Variants in RFX3 observed in about 807,000 individuals in gnomAD.
RFX3 encodes regulatory factor X3, also known as transcription factor RFX3.
Under a neutral mutation model 98.6 loss-of-function variants are expected in RFX3, and 14 were observed. That is an observed-to-expected ratio of 0.14 (90% CI 0.09 to 0.22). The LOEUF (loss-of-function observed/expected upper bound fraction) is 0.22. Among genes scored for constraint, RFX3 ranks in the 10% least tolerant of loss-of-function variants. RFX3 has a pLI of 1.00. For missense variants in RFX3, 639 were observed against 926.9 expected, an observed-to-expected ratio of 0.69 and a Z score of 4.03; for synonymous variants, 383 against 328.4, an observed-to-expected ratio of 1.17 and a Z score of -1.80.
chr9:3,228,788 C>T, intron 16 of RFX3, 59 bp downstream of exon 16: 1 of 1,404,686 alleles, frequency 7.1e-7, no homozygotes, highest in Non-Finnish European at 9.9e-7. Flanking sequence ...GTATTTTCCT[C>T]TGTAAGAACT....
At chr9:3,239,104 A>G (rs1004333915) in intron 15 of RFX3, among the ~76,000 whole-genome samples, 4 of 152,204 alleles carry the variant, frequency 2.6e-5, no homozygotes, top group African/African-American at 9.7e-5. Flanking sequence ...TGAAATTTCA[A>G]TATAAGGAGT....
intron 1 of RFX3, chr9:3,488,876 TA>T: frequency 4.1e-6 from 4 of 984,914 alleles, no homozygotes; most frequent in Non-Finnish European, 4.8e-6. Context: ...CCAAAGAAAC[TA>T]GAGTATCCTC....
At chr9:3,355,686 C>G (rs1471362091) in intron 2 of RFX3, among the ~76,000 whole-genome samples, 1 of 151,754 alleles carries the variant, frequency 6.6e-6, no homozygotes, top group Non-Finnish European at 1.5e-5. Flanking sequence ...ATCAACTTAA[C>G]CAAAATGACT....
chr9:3,305,253 T>C lies in RFX3; in HGVS notation c.475-3633A>G, dbSNP rs140569522. On this transcript the variant is annotated intron_variant, in intron 4 of 16. Coordinates refer to ENST00000617270, the MANE Select transcript of RFX3 (RefSeq NM_001282116.2). ...GTATGAGTGAGGCTGAAAAAATAGG[T>C]TGGAAGTAGATAATGTATGCGGGAA... Among the ~76,000 whole-genome samples the C allele has an allele frequency of 1.6e-4, 24 of 151,936 alleles. No individual in the cohort carries two copies. The East Asian group carries it at 4.7e-3, about 29-fold the overall frequency.
Position 3,224,216 on chromosome 9 carries a change from T to C in RFX3, c.*826A>G, listed in dbSNP as rs934693089. ...TTTTTTCTGCTTCAGTATCTAACTA[T>C]AACAGCCCCCACTTAACAGCAGAAT... On this transcript the variant is annotated 3_prime_UTR_variant, in exon 17 of 17. Transcript: ENST00000617270. 5.3e-5 allele frequency: 8 copies of C among 152,108 alleles called. No individual in the cohort carries two copies. The East Asian group carries it at 1.5e-3, about 29-fold the overall frequency. 9.4% of individuals were successfully genotyped at this position (152,108 alleles called of 1,614,324 possible). A position where few individuals can be genotyped will look rare whatever the true frequency, so the allele number is the denominator to read the frequency against.
chr9:3,414,605 G>A (rs1449020316), intron 1 of RFX3, among the ~76,000 whole-genome samples: 1 of 144,528 alleles, frequency 6.9e-6, no homozygotes, highest in Non-Finnish European at 1.5e-5. Flanking sequence ...ATATATGCTA[G>A]TAGTATCTAC....
chr9:3,447,503 C>G (rs539145481), intron 1 of RFX3, among the ~76,000 whole-genome samples: 1 of 152,208 alleles, frequency 6.6e-6, no homozygotes, highest in Non-Finnish European at 1.5e-5. Context: ...CTCAGGTTAA[C>G]CAGAGAACAC....
chr9:3,312,610 G>T (rs1289870832), intron 4 of RFX3, among the ~76,000 whole-genome samples: 2 of 151,262 alleles, frequency 1.3e-5, no homozygotes, highest in Admixed American at 1.3e-4. Flanking sequence ...GAGGTTCCAA[G>T]ATGGCCGAAT....
intron 14 of RFX3, among the ~76,000 whole-genome samples, chr9:3,255,062 C>T (rs1186448499): frequency 2.0e-5 from 3 of 152,272 alleles, no homozygotes; most frequent in Admixed American, 6.5e-5. Flanking sequence ...TTGCATTTGA[C>T]CCTGGGCTAG....
At chr9:3,271,171 T>TCCTCACACAGTCCC in intron 9 of RFX3, 53 bp from the exon 10 acceptor site, 1 of 1,489,010 alleles carries the variant, frequency 6.7e-7, no homozygotes, top group Non-Finnish European at 9.4e-7. Context: ...TACGGGACTG[T>TCCTCACACAGTCCC]GTGAGGACAG....
At chr9:3,340,522 T>A (rs1054184705) in intron 3 of RFX3, among the ~76,000 whole-genome samples, 2 of 152,080 alleles carry the variant, frequency 1.3e-5, no homozygotes, top group Non-Finnish European at 2.9e-5. Flanking sequence ...AGGGCTAATA[T>A]CCAGAATCCG....
At chr9:3,425,230 C>T (rs186723737) in intron 1 of RFX3, among the ~76,000 whole-genome samples, 6 of 152,246 alleles carry the variant, frequency 3.9e-5, no homozygotes, top group African/African-American at 2.4e-5. Context: ...ACAATGAGAC[C>T]GTGTCTCAGA....
intron 1 of RFX3, among the ~76,000 whole-genome samples, chr9:3,463,191 T>A (rs767180302): frequency 1.3e-5 from 2 of 152,102 alleles, no homozygotes; most frequent in Non-Finnish European, 2.9e-5. Context: ...AAGACAGTAA[T>A]TAAAAAATGG....
rs1181742319 is a variant in RFX3, at chr9:3,525,926, AAGAGAGAGAGAGAGGG to A, written c.-204_-189del. The A allele has an allele frequency of 4.3e-5, 41 of 957,512 alleles. No individual in the cohort carries two copies. The highest frequency in any genetic ancestry group is 2.9e-4 in the South Asian group (6 of 20,590). The allele number at this position is 957,512 out of a possible 1,614,324, so 59.3% of individuals were successfully genotyped here. A position where few individuals can be genotyped will look rare whatever the true frequency, so the allele number is the denominator to read the frequency against. On this transcript the variant is annotated 5_prime_UTR_variant, in exon 1 of 17. Coordinates refer to ENST00000617270, the MANE Select transcript of RFX3 (RefSeq NM_001282116.2). The stretch of plus-strand genomic sequence containing the variant: ...AGGCAACGGTTGCTATAACTCACAA[AAGAGAGAGAGAGAGGG>A]AGAGAGAGAGAGAGCGAGAGGGAGA...
Position 3,332,194 on chromosome 9 carries a change from G to A in RFX3, c.216-1677C>T, listed in dbSNP as rs78773421. Among the ~76,000 whole-genome samples, 1,457 of 152,128 alleles carry A rather than the reference G, an allele frequency of 9.6e-3. 13 individuals are homozygous for A. The highest frequency in any genetic ancestry group is 0.02 in the Middle Eastern group (6 of 294). On this transcript the variant is annotated intron_variant, in intron 3 of 16. Coordinates refer to ENST00000617270, the MANE Select transcript of RFX3 (RefSeq NM_001282116.2). ...AGGCTGAGAATACCTTATCAACAAT[G>A]CTTGGGACCACAAGTGTTTTGGATT... is the stretch of plus-strand genomic sequence containing the variant.
At chr9:3,424,551 G>A (rs1484948154) in intron 1 of RFX3, among the ~76,000 whole-genome samples, 1 of 151,148 alleles carries the variant, frequency 6.6e-6, no homozygotes, top group East Asian at 2.0e-4. Flanking sequence ...TAGTAGAGAC[G>A]GGGCTTCACC....
intron 5 of RFX3, among the ~76,000 whole-genome samples, chr9:3,296,270 T>C (rs1827974957): frequency 6.6e-6 from 1 of 151,886 alleles, no homozygotes; most frequent in South Asian, 2.1e-4. Flanking sequence ...AAGAAAACTT[T>C]TCATAGAAAT....
At chr9:3,271,780 A>G (rs2131351215) in intron 9 of RFX3, among the ~76,000 whole-genome samples, 1 of 152,266 alleles carries the variant, frequency 6.6e-6, no homozygotes, top group Admixed American at 6.5e-5. Flanking sequence ...AGCTTTGTCT[A>G]AGGCAGCTGA....
Position 3,424,938 on chromosome 9 carries a change from A to T in RFX3, c.-8-29342T>A, listed in dbSNP as rs568847867. Among the ~76,000 whole-genome samples, 5 of 152,256 alleles carry T rather than the reference A, an allele frequency of 3.3e-5. 1 individual carries two copies. In the South Asian group the frequency reaches 1.0e-3, roughly 32 times the overall value. On this transcript the variant is annotated intron_variant, in intron 1 of 16. Transcript: ENST00000617270. ...GAGTAGGATGCCTTAATAAGAAATG[A>T]TTTTTTGTTGGCCAGGCACAGTGGT...
Sources: allele counts gnomAD v4.1 joint callset (sites outside exome capture counted in the v4.1 genomes callset), GRCh38; gene constraint gnomAD v4.1.1; transcripts MANE v1.5; gene names NCBI Gene and HGNC (gene_info 2026-07-23, HGNC 2026-07-21).